Variants in TRPC7 observed in about 807,000 individuals in gnomAD.
TRPC7 encodes the protein transient receptor potential cation channel subfamily C member 7.
TRPC7 carries 42 observed loss-of-function variants against 90.1 expected under a neutral mutation model. That is an observed-to-expected ratio of 0.47 (90% confidence interval 0.36 to 0.60). The LOEUF is 0.60. Ranked by LOEUF, TRPC7 falls within the 20% of genes least tolerant of loss-of-function variation. TRPC7 has a pLI of 0.00. For synonymous variants in TRPC7, 451 were observed against 436.3 expected (o/e 1.03, Z -0.42); for missense variants, 955 against 1,112.3 (o/e 0.86, Z 2.01).
At chr5:136,270,063 C>A (rs1757159080) in intron 4 of TRPC7, among the ~76,000 whole-genome samples, 1 of 152,312 alleles carries the variant, frequency 6.6e-6, no homozygotes, top group African/African-American at 2.4e-5. Flanking sequence ...GTCCTACCAA[C>A]TTTTAAGATC....
intron 2 of TRPC7, 51 bp from the exon 3 acceptor site, chr5:136,315,830 T>G (rs1331876841): frequency 3.1e-5 from 49 of 1,572,874 alleles, no homozygotes; most frequent in Non-Finnish European, 4.3e-5. Flanking sequence ...GCCCGCAGAT[T>G]GGCTTGCCCA....
chr5:136,360,601 G>T (rs776622024), intron 1 of TRPC7, among the ~76,000 whole-genome samples: 4 of 152,118 alleles, frequency 2.6e-5, no homozygotes, highest in Non-Finnish European at 5.9e-5. Flanking sequence ...AGACTCTTTC[G>T]CAGCCTTTAA....
intron 3 of TRPC7, among the ~76,000 whole-genome samples, chr5:136,302,590 CCCTTAG>C (rs1042636325): frequency 6.6e-6 from 1 of 152,114 alleles, no homozygotes; most frequent in Admixed American, 6.5e-5. Context: ...TCCTTCTTCT[CCCTTAG>C]CCTGTGTTCT....
At position 136,333,531 on chromosome 5, in the gene TRPC7, A is replaced by G. The variant is rs921905706; in HGVS notation, c.781-17752T>C. Reference sequence around the variant, plus strand: ...CCACGAAAACCTTTTCAGCAGGAGAATATCATGGTCTGATTTATATTGACA... The same window carrying G: ...CCACGAAAACCTTTTCAGCAGGAGAGTATCATGGTCTGATTTATATTGACA... On this transcript the variant is annotated intron_variant, in intron 2 of 11. Transcript: ENST00000513104. Among the ~76,000 whole-genome samples the G allele has an allele frequency of 5.3e-5, 8 of 152,222 alleles. No individual in the cohort carries two copies. The East Asian group carries it at 9.6e-4, about 18-fold the overall frequency.
In TRPC7 at chr5:136,315,702, C is replaced by T. The variant is rs1758994906; in HGVS notation, c.858G>A (p.Glu286=). The T allele has an allele frequency of 1.2e-6, 2 of 1,613,930 alleles. No homozygotes were observed. The highest frequency in any genetic ancestry group is 1.3e-5 in the African/African-American group (1 of 74,914). Residue 286 remains glutamate, a synonymous_variant, in exon 3 of 12, where the codon GAG becomes GAA. Coordinates refer to ENST00000513104, the MANE Select transcript of TRPC7 (RefSeq NM_020389.3). The part of the protein sequence containing the change: ...GVLDLCRDTE[E]VEAILNGDVN... ...CATCACCGTTTAAAATTGCTTCCACCTCTTCTGTGTCTCGGCACAGGTCCA... is the reference window on the plus strand; with the variant it reads ...CATCACCGTTTAAAATTGCTTCCACTTCTTCTGTGTCTCGGCACAGGTCCA...
At chr5:136,365,082 A>T (rs1191927753) in intron 1 of TRPC7, among the ~76,000 whole-genome samples, 171 bp downstream of exon 1, 2 of 145,064 alleles carry the variant, frequency 1.4e-5, no homozygotes, top group Non-Finnish European at 3.0e-5. Flanking sequence ...GAAAAAAAAA[A>T]TTTCTTCTAC....
At chr5:136,249,829 G>T (rs903276892) in intron 6 of TRPC7, among the ~76,000 whole-genome samples, 1 of 152,184 alleles carries the variant, frequency 6.6e-6, no homozygotes, top group African/African-American at 2.4e-5. Flanking sequence ...TGCTGTAGAG[G>T]TTGGAAGGAG....
At position 136,357,189 on chromosome 5, in the gene TRPC7, T is replaced by C; in HGVS notation, c.199A>G (p.Lys67Glu). ...TCCACACAGTTGAAGTTAAGGGTCT[T>C]GGACTCCTCCAGCATTTTCCGGACC... ...PVVRKMLEES[K>E]TLNFNCVDYM... The change falls in exon 2 of 12, where the codon AAG (lysine) becomes GAG (glutamate). Residue 67 changes from lysine to glutamate, a missense_variant. Around this residue, in one of 4 missense-constraint regions of TRPC7, gnomAD observed 161 missense variants for 145.7 expected, o/e 1.10. Transcript: ENST00000513104. 1.2e-6 allele frequency: 2 copies of C among 1,614,024 alleles called. No homozygotes were observed. Among genetic ancestry groups the C allele is most frequent in the Non-Finnish European group, 1.7e-6 (2 of 1,180,002 alleles).
At chr5:136,232,555 G>C (rs1755851045) in intron 7 of TRPC7, among the ~76,000 whole-genome samples, 7 of 152,226 alleles carry the variant, frequency 4.6e-5, no homozygotes, top group Admixed American at 4.6e-4. Flanking sequence ...GGCTCACTTA[G>C]GTTAGATGCT....
rs568374523 is a variant in TRPC7, at chr5:136,284,170, A to C, written c.964-9333T>G. Among the ~76,000 whole-genome samples, 40 of 150,768 alleles carry C rather than the reference A, an allele frequency of 2.7e-4. 1 individual carries two copies. The highest frequency in any genetic ancestry group is 9.7e-4 in the African/African-American group (39 of 40,102). ...GTTTTGGTCATACAGGAGACCTCTG[A>C]TTGCCTATTCTCAGATGTCAGATGA... is the stretch of plus-strand genomic sequence containing the variant. On this transcript the variant is annotated intron_variant, in intron 3 of 11. Transcript: ENST00000513104.
At chr5:136,276,175 G>GA (rs1159871725) in intron 3 of TRPC7, among the ~76,000 whole-genome samples, 2 of 151,828 alleles carry the variant, frequency 1.3e-5, no homozygotes, top group African/African-American at 2.4e-5. Context: ...GTTTACATTT[G>GA]AAAAAAAATA....
chr5:136,307,140 G>T (rs1758665001), intron 3 of TRPC7, among the ~76,000 whole-genome samples: 1 of 152,084 alleles, frequency 6.6e-6, no homozygotes, highest in South Asian at 2.1e-4. Context: ...CATTTCTATG[G>T]TGAGACATGA....
At position 136,212,985 on chromosome 5, in the gene TRPC7, G is replaced by C. The variant is rs2149790523; in HGVS notation, c.*450C>G. Among the ~76,000 whole-genome samples the C allele has an allele frequency of 6.6e-6, 1 of 152,266 alleles. No homozygotes were observed. The highest frequency in any genetic ancestry group is 2.4e-5 in the African/African-American group (1 of 41,550). On this transcript the variant is annotated 3_prime_UTR_variant, in exon 12 of 12. Coordinates refer to ENST00000513104, the MANE Select transcript of TRPC7 (RefSeq NM_020389.3). ...AAGAATAGATCACAGGTCACCTCCT[G>C]GTTCTGTTTGGATGTGTTGGGGGTG... is the stretch of plus-strand genomic sequence containing the variant.
At chr5:136,308,214 T>A (rs1561712766) in intron 3 of TRPC7, among the ~76,000 whole-genome samples, 1 of 152,228 alleles carries the variant, frequency 6.6e-6, no homozygotes, top group African/African-American at 2.4e-5. Flanking sequence ...CTTCCTCATG[T>A]AAAAGCCCTT....
At chr5:136,354,794 G>A (rs1314514846) in intron 2 of TRPC7, among the ~76,000 whole-genome samples, 1 of 152,210 alleles carries the variant, frequency 6.6e-6, no homozygotes, top group South Asian at 2.1e-4. Flanking sequence ...CCTACAGGAA[G>A]CCTGTATTTG....
intron 2 of TRPC7, among the ~76,000 whole-genome samples, chr5:136,341,466 C>CAT (rs1260709983): frequency 6.2e-4 from 55 of 88,666 alleles, no homozygotes; most frequent in African/African-American, 1.8e-3. Context: ...CATACATATA[C>CAT]ATATATATAC....
intron 11 of TRPC7, among the ~76,000 whole-genome samples, chr5:136,214,848 C>T (rs1211427899): frequency 8.5e-5 from 13 of 152,168 alleles, no homozygotes; most frequent in Admixed American, 8.5e-4. Flanking sequence ...ATGGATGAGG[C>T]TGTTTCTAGG....
intron 5 of TRPC7, among the ~76,000 whole-genome samples, chr5:136,265,041 A>G (rs1388136785): frequency 6.6e-6 from 1 of 152,184 alleles, no homozygotes; most frequent in Admixed American, 6.5e-5. Context: ...AGGCATCCAT[A>G]GGATGTTCTC....
intron 11 of TRPC7, among the ~76,000 whole-genome samples, chr5:136,215,123 A>G (rs1237152890): frequency 6.6e-6 from 1 of 152,136 alleles, no homozygotes; most frequent in Non-Finnish European, 1.5e-5. Context: ...GGTGGGGAAC[A>G]CTTTGAGAAA....
Sources: gnomAD v4.1 joint callset for allele counts (sites outside exome capture counted in the v4.1 genomes callset) on GRCh38, gnomAD v4.1.1 for gene constraint, gnomAD v4.1.1 regional missense constraint, MANE v1.5 for transcripts, NCBI Gene and HGNC (gene_info 2026-07-23, HGNC 2026-07-21) for gene names.